The following RAD51B variants were observed in gnomAD, a reference collection of about 807,000 sequenced individuals.
RAD51B encodes RAD51 paralog B, also known as DNA repair protein RAD51 homolog 2.
RAD51B carries 38 observed loss-of-function variants against 42.2 expected under a neutral mutation model. The ratio of observed to expected loss-of-function variants is 0.90; its 90% CI spans 0.70 to 1.18. The LOEUF (loss-of-function observed/expected upper bound fraction) is 1.18, where lower values mean the gene tolerates loss of function less well. Ranked by LOEUF, RAD51B falls within the 50% of genes most tolerant of loss-of-function variation. RAD51B has a pLI of 0.00. For synonymous variants in RAD51B, 154 were observed against 145.2 expected, an observed-to-expected ratio of 1.06 and a Z score of -0.43; for missense variants, 373 against 400.7, an observed-to-expected ratio of 0.93 and a Z score of 0.59.
intron 10 of RAD51B, among the ~76,000 whole-genome samples, chr14:68,554,660 A>G (rs899280170): frequency 6.6e-6 from 1 of 151,990 alleles, no homozygotes; most frequent in East Asian, 1.9e-4. Flanking sequence ...ATCACCTTCT[A>G]ATATACTAGT....
intron 10 of RAD51B, among the ~76,000 whole-genome samples, chr14:68,534,153 G>A (rs184469954): frequency 7.7e-4 from 118 of 152,326 alleles, no homozygotes; most frequent in Middle Eastern, 6.8e-3. Flanking sequence ...GGTGGTCGGC[G>A]TATAACAATT....
chr14:68,446,933 T>G (rs1220607851), intron 9 of RAD51B, among the ~76,000 whole-genome samples: 1 of 152,102 alleles, frequency 6.6e-6, no homozygotes, highest in Non-Finnish European at 1.5e-5. Context: ...ATACACATAT[T>G]AAGCTGGGTG....
intron 4 of RAD51B, among the ~76,000 whole-genome samples, chr14:67,849,574 C>G (rs569978107): frequency 8.5e-4 from 129 of 152,244 alleles, no homozygotes; most frequent in African/African-American, 2.9e-3. Flanking sequence ...TGAGCCACTG[C>G]ACCTGGCCTA....
chr14:67,983,598 T>A (rs1465807284), intron 7 of RAD51B, among the ~76,000 whole-genome samples: 1 of 152,210 alleles, frequency 6.6e-6, no homozygotes, highest in Non-Finnish European at 1.5e-5. Flanking sequence ...TGGTTTTTAC[T>A]ATATATAATG....
At chr14:68,107,409 A>G (rs1469729041) in intron 7 of RAD51B, among the ~76,000 whole-genome samples, 1 of 151,836 alleles carries the variant, frequency 6.6e-6, no homozygotes, top group East Asian at 1.9e-4. Context: ...TATTGTTAAG[A>G]TGGAAATACT....
intron 10 of RAD51B, among the ~76,000 whole-genome samples, chr14:68,525,216 C>G (rs1463609551): frequency 2.0e-5 from 3 of 152,206 alleles, no homozygotes; most frequent in Admixed American, 1.3e-4. Flanking sequence ...GGACTGAGGG[C>G]CACCTCTAGA....
At chr14:68,137,876 G>T (rs1014640320) in intron 7 of RAD51B, among the ~76,000 whole-genome samples, 24 of 152,172 alleles carry the variant, frequency 1.6e-4, no homozygotes, top group Non-Finnish European at 1.5e-5. Context: ...CACAGATGAG[G>T]CGCTCCATTA....
chr14:68,258,635 G>C (rs2080810156), intron 7 of RAD51B, among the ~76,000 whole-genome samples: 1 of 152,112 alleles, frequency 6.6e-6, no homozygotes, highest in African/African-American at 2.4e-5. Flanking sequence ...GTGTGCGTAT[G>C]TAAGGTATCA....
chr14:68,240,851 A>G (rs1329483282), intron 7 of RAD51B, among the ~76,000 whole-genome samples: 3 of 152,258 alleles, frequency 2.0e-5, no homozygotes, highest in African/African-American at 7.2e-5. Flanking sequence ...GAGAAGGAAA[A>G]GGAAAGGAAC....
At chr14:68,589,485 C>T (rs1595004518) in intron 10 of RAD51B, among the ~76,000 whole-genome samples, 1 of 152,222 alleles carries the variant, frequency 6.6e-6, no homozygotes, top group Non-Finnish European at 1.5e-5. Flanking sequence ...CCCATGACTG[C>T]CACAAGCCCC....
chr14:68,258,262 G>A (rs750785258), intron 7 of RAD51B, among the ~76,000 whole-genome samples: 4 of 152,034 alleles, frequency 2.6e-5, no homozygotes, highest in African/African-American at 4.8e-5. Context: ...TTAGCCAGGC[G>A]TGGTGGTGTT....
At chr14:68,649,836 C>A (rs1354120260) in intron 10 of RAD51B, among the ~76,000 whole-genome samples, 1 of 152,196 alleles carries the variant, frequency 6.6e-6, no homozygotes, top group Non-Finnish European at 1.5e-5. Flanking sequence ...CTGATATGAG[C>A]ACAAAATCAG....
chr14:68,511,388 T>C (rs907386364), intron 10 of RAD51B, among the ~76,000 whole-genome samples: 3 of 152,190 alleles, frequency 2.0e-5, no homozygotes, highest in African/African-American at 7.2e-5. Context: ...GATTTCTCAC[T>C]GCTTTGAATA....
At chr14:68,579,145 C>G (rs796838464) in intron 10 of RAD51B, among the ~76,000 whole-genome samples, 8 of 152,276 alleles carry the variant, frequency 5.3e-5, no homozygotes, top group African/African-American at 1.4e-4. Flanking sequence ...ATGGCCTCAC[C>G]TTGAAAATTC....
At chr14:67,830,119 T>C (rs1160521272) in intron 3 of RAD51B, among the ~76,000 whole-genome samples, 3 of 150,982 alleles carry the variant, frequency 2.0e-5, no homozygotes, top group Non-Finnish European at 4.4e-5. Context: ...AAGAAGAGAG[T>C]GGTAAGAGAT....
At chr14:68,619,646 G>A (rs1321851192) in intron 10 of RAD51B, among the ~76,000 whole-genome samples, 1 of 152,134 alleles carries the variant, frequency 6.6e-6, no homozygotes, top group Non-Finnish European at 1.5e-5. Flanking sequence ...AGGAATCCAT[G>A]AGCAGGAGGA....
At chr14:68,361,585 G>C (rs11624613) in intron 8 of RAD51B, among the ~76,000 whole-genome samples, 16,491 of 152,106 alleles carry the variant, frequency 0.11, 1,308 homozygotes, top group East Asian at 0.39. Flanking sequence ...TTAGCTATGG[G>C]GGGTAAGGAT....
chr14:68,200,873 G>A (rs1329212853), intron 7 of RAD51B, among the ~76,000 whole-genome samples: 1 of 151,944 alleles, frequency 6.6e-6, no homozygotes, highest in East Asian at 1.9e-4. Flanking sequence ...GCCCAGGCCG[G>A]TCTCAAACTC....
intron 7 of RAD51B, among the ~76,000 whole-genome samples, chr14:68,138,852 A>G (rs981597369): frequency 2.6e-4 from 40 of 152,110 alleles, no homozygotes; most frequent in African/African-American, 9.7e-4. Flanking sequence ...TCTTCATTCA[A>G]TCTATGATTG....
Sources: allele counts gnomAD v4.1 joint callset (sites outside exome capture counted in the v4.1 genomes callset), GRCh38; gene constraint gnomAD v4.1.1; transcripts MANE v1.5; gene names NCBI Gene and HGNC (gene_info 2026-07-23, HGNC 2026-07-21).